Variants in ADGRL3 observed in about 807,000 individuals in gnomAD.
ADGRL3 encodes adhesion G protein-coupled receptor L3.
A neutral mutation model predicts 153.5 loss-of-function variants in ADGRL3; 62 were observed. That is an observed-to-expected ratio of 0.40 (90% CI 0.33 to 0.50). The LOEUF is 0.50. ADGRL3 is among the 20% of genes least tolerant of loss of function. The pLI is 0.47. For synonymous variants in ADGRL3, 710 were observed against 672.5 expected (o/e 1.06, Z -0.86); for missense variants, 1,641 against 1,859.4 (o/e 0.88, Z 2.16).
Position 61,201,028 on chromosome 4 carries a change from C to T in ADGRL3, c.-977C>T, listed in dbSNP as rs1291888766. Reference sequence around the variant, plus strand: ...CGGAGGTTGCGGGCTTGAGAGGGGACCCTCGGCTGGGAGAGAGCCTCGGGA... The same window carrying T: ...CGGAGGTTGCGGGCTTGAGAGGGGATCCTCGGCTGGGAGAGAGCCTCGGGA... On this transcript the variant is annotated 5_prime_UTR_variant, in exon 1 of 27. Transcript: ENST00000683033. Among the ~76,000 whole-genome samples the T allele has an allele frequency of 5.3e-5, 8 of 152,102 alleles. No homozygotes were observed. The highest frequency in any genetic ancestry group is 1.2e-4 in the Non-Finnish European group (8 of 68,004).
At chr4:61,577,712 T>C (rs1579636566) in intron 4 of ADGRL3, among the ~76,000 whole-genome samples, 1 of 150,586 alleles carries the variant, frequency 6.6e-6, no homozygotes, top group African/African-American at 2.4e-5. Context: ...ACTAAGGAGG[T>C]TGGGGTGGGA....
chr4:62,038,820 C>T (rs1582007827), intron 24 of ADGRL3, among the ~76,000 whole-genome samples: 2 of 151,866 alleles, frequency 1.3e-5, no homozygotes, highest in African/African-American at 4.8e-5. Flanking sequence ...TGTTGGCTAG[C>T]CTGGTCTCAA....
intron 1 of ADGRL3, among the ~76,000 whole-genome samples, chr4:61,223,667 CTGAG>C (rs547326941): frequency 1.0e-3 from 153 of 152,288 alleles, no homozygotes; most frequent in Non-Finnish European, 1.9e-3. Context: ...GGGTGTGTGT[CTGAG>C]TGTTTGTGAC....
At chr4:61,921,437 G>A (rs114304863) in intron 13 of ADGRL3, among the ~76,000 whole-genome samples, 1,670 of 152,156 alleles carry the variant, frequency 0.011, 26 homozygotes, top group African/African-American at 0.038. Context: ...TTTTGTTGTT[G>A]TTGAGTTGGA....
chr4:61,848,501 A>C (rs1177799058), intron 9 of ADGRL3, among the ~76,000 whole-genome samples: 1 of 151,928 alleles, frequency 6.6e-6, no homozygotes, highest in African/African-American at 2.4e-5. Flanking sequence ...CAATAGATTA[A>C]GGGCCCACCC....
chr4:61,873,591 G>C (rs575778701), intron 9 of ADGRL3, among the ~76,000 whole-genome samples: 2 of 152,152 alleles, frequency 1.3e-5, no homozygotes, highest in South Asian at 4.2e-4. Context: ...TACAACCTTT[G>C]AGCCATTTCA....
chr4:62,027,881 A>G (rs572087059), intron 21 of ADGRL3, among the ~76,000 whole-genome samples: 2 of 152,048 alleles, frequency 1.3e-5, no homozygotes, highest in East Asian at 1.9e-4. Flanking sequence ...CTAAGATCAA[A>G]TAGGTAGCTA....
chr4:61,755,738 T>C (rs1471869776), intron 8 of ADGRL3, among the ~76,000 whole-genome samples: 1 of 152,192 alleles, frequency 6.6e-6, no homozygotes, highest in Non-Finnish European at 1.5e-5. Context: ...TATTCTAGGT[T>C]TTTTATGGTT....
chr4:61,578,061 T>A (rs1322032872), intron 4 of ADGRL3, among the ~76,000 whole-genome samples: 1 of 152,084 alleles, frequency 6.6e-6, no homozygotes, highest in East Asian at 1.9e-4. Context: ...TATTCAGGAA[T>A]TAGATTTCAC....
chr4:61,948,220 T>G lies in ADGRL3; in HGVS notation c.2749T>G (p.Cys917Gly), dbSNP rs781211889. Reference protein sequence around the residue: ...LLTTNKTHTTCSCNHLTNFAV... With the variant: ...LLTTNKTHTTGSCNHLTNFAV... Reference sequence around the variant, plus strand: ...GACAACAAATAAGACACATACTACATGCTCTTGTAACCACCTAACAAATTT... The same window carrying G: ...GACAACAAATAAGACACATACTACAGGCTCTTGTAACCACCTAACAAATTT... Residue 917 changes from cysteine to glycine, a missense_variant, in exon 17 of 27, where the codon TGC becomes GGC. Physicochemically the swap from Cys to Gly is radical, Grantham distance 159 (BLOSUM62 -3). Transcript: ENST00000683033. 6.2e-7 allele frequency: 1 copy of G among 1,613,896 alleles called. No homozygotes were observed. The highest frequency in any genetic ancestry group is 8.5e-7 in the Non-Finnish European group (1 of 1,179,842).
chr4:61,310,735 T>TG (rs1391326888), intron 1 of ADGRL3, among the ~76,000 whole-genome samples: 1 of 151,340 alleles, frequency 6.6e-6, no homozygotes, highest in Non-Finnish European at 1.5e-5. Flanking sequence ...AAGATCAGTT[T>TG]TTTTTTTTTT....
chr4:61,972,238 T>G (rs1359163872), intron 17 of ADGRL3, among the ~76,000 whole-genome samples: 7 of 152,204 alleles, frequency 4.6e-5, no homozygotes, highest in African/African-American at 1.7e-4. Flanking sequence ...TGCCCATATC[T>G]ATGTCCTGAA....
chr4:61,703,811 G>A (rs930614871), intron 6 of ADGRL3, among the ~76,000 whole-genome samples: 1 of 151,454 alleles, frequency 6.6e-6, no homozygotes, highest in Non-Finnish European at 1.5e-5. Context: ...TTCTTTATAT[G>A]TTCCTTCTGT....
intron 4 of ADGRL3, among the ~76,000 whole-genome samples, chr4:61,573,712 C>T (rs534303678): frequency 6.6e-6 from 1 of 151,936 alleles, no homozygotes; most frequent in Non-Finnish European, 1.5e-5. Context: ...TCAATCAAAA[C>T]TGATAAATAT....
intron 1 of ADGRL3, among the ~76,000 whole-genome samples, chr4:61,213,858 T>A (rs1741344901): frequency 6.6e-6 from 1 of 152,152 alleles, no homozygotes; most frequent in Admixed American, 6.5e-5. Flanking sequence ...TTCTCTAATT[T>A]TTTTCTCTAG....
intron 2 of ADGRL3, among the ~76,000 whole-genome samples, chr4:61,479,766 A>G (rs1302702345): frequency 6.6e-6 from 1 of 152,182 alleles, no homozygotes; most frequent in Admixed American, 6.5e-5. Flanking sequence ...TTGGATATTC[A>G]TATCAACAAT....
intron 5 of ADGRL3, among the ~76,000 whole-genome samples, chr4:61,591,072 G>A (rs924994433): frequency 2.0e-5 from 3 of 151,992 alleles, no homozygotes; most frequent in Non-Finnish European, 2.9e-5. Context: ...CTCAGAAAGC[G>A]CCCCCTTGTG....
intron 6 of ADGRL3, among the ~76,000 whole-genome samples, chr4:61,704,144 A>T (rs1445264274): frequency 6.6e-6 from 1 of 152,202 alleles, no homozygotes; most frequent in Non-Finnish European, 1.5e-5. Flanking sequence ...GTTCATGTAT[A>T]GGCAGACTTT....
chr4:61,683,257 C>G (rs1338992227), intron 6 of ADGRL3, among the ~76,000 whole-genome samples: 1 of 152,008 alleles, frequency 6.6e-6, no homozygotes, highest in African/African-American at 2.4e-5. Context: ...GGACTGTAGG[C>G]ACATGCCACC....
Sources: gnomAD v4.1 joint callset for allele counts (sites outside exome capture counted in the v4.1 genomes callset) on GRCh38, gnomAD v4.1.1 for gene constraint, MANE v1.5 for transcripts, NCBI Gene and HGNC (gene_info 2026-07-23, HGNC 2026-07-21) for gene names.